The following NWD1 variants were observed in gnomAD, a reference collection of about 807,000 sequenced individuals.
NWD1 encodes the protein NACHT and WD repeat domain containing 1.
Under a neutral mutation model 135.1 loss-of-function variants are expected in NWD1, and 129 were observed. That is an observed-to-expected ratio of 0.96 (90% CI 0.83 to 1.11). NWD1 has a LOEUF of 1.11. NWD1 is among the 50% of genes least tolerant of loss of function. The probability of loss-of-function intolerance (pLI) is 0.00; values close to 1 mark genes in which losing one functional copy is unlikely to be tolerated. For missense variants in NWD1, 1,740 were observed against 1,851.3 expected, an observed-to-expected ratio of 0.94 and a Z score of 1.10; for synonymous variants, 773 against 786.0, an observed-to-expected ratio of 0.98 and a Z score of 0.28.
At position 16,773,189 on chromosome 19, in the gene NWD1, C is replaced by T. The variant is rs1969475822; in HGVS notation, c.2474C>T (p.Ala825Val). Residue 825 changes from alanine to valine, a missense_variant, in exon 11 of 19, where the codon GCA becomes GTA. Ala to Val is a moderately conservative substitution (Grantham distance 64, BLOSUM62 0). Transcript: ENST00000524140. Reference sequence around the variant, plus strand: ...CATTTCTTCGCCACCTCACATCCAGCACTGGTGGGACAGCTATGCCAACAG... The same window carrying T: ...CATTTCTTCGCCACCTCACATCCAGTACTGGTGGGACAGCTATGCCAACAG... ...RLHFFATSHP[A>V]LVGQLCQQAQ... 6.2e-7 allele frequency: 1 copy of T among 1,613,794 alleles called. No individual in the cohort carries two copies.
chr19:16,794,936 C>T (rs1599545959), intron 15 of NWD1, among the ~76,000 whole-genome samples: 1 of 152,122 alleles, frequency 6.6e-6, no homozygotes, highest in East Asian at 1.9e-4. Flanking sequence ...CACACACCAC[C>T]ACACCCAGCT....
intron 2 of NWD1, among the ~76,000 whole-genome samples, chr19:16,724,700 T>A (rs1967258721): frequency 6.6e-6 from 1 of 152,178 alleles, no homozygotes; most frequent in Admixed American, 6.6e-5. Flanking sequence ...ACAAAAAAAA[T>A]ATTTTTTTTT....
chr19:16,798,263 G>A (rs1414645791), intron 16 of NWD1, among the ~76,000 whole-genome samples: 1 of 152,012 alleles, frequency 6.6e-6, no homozygotes, highest in East Asian at 1.9e-4. Flanking sequence ...GCCTCTTGAA[G>A]TTCTCTTTTT....
chr19:16,773,009 G>C (rs1427527557), intron 10 of NWD1, 117 bp from the exon 11 acceptor site: 9 of 816,566 alleles, frequency 1.1e-5, no homozygotes, highest in Non-Finnish European at 1.7e-5. Context: ...GAGGCCAGTA[G>C]CTGAGGTATT....
intron 6 of NWD1, among the ~76,000 whole-genome samples, chr19:16,757,709 T>C (rs912853068): frequency 1.3e-5 from 2 of 152,096 alleles, no homozygotes; most frequent in African/African-American, 4.8e-5. Context: ...AACCTAGCGG[T>C]TCACCCATGA....
intron 12 of NWD1, among the ~76,000 whole-genome samples, chr19:16,781,310 A>T (rs2123002051): frequency 6.6e-6 from 1 of 152,292 alleles, no homozygotes; most frequent in East Asian, 1.9e-4. Flanking sequence ...GCAGCTTGAT[A>T]TACATAGGAC....
In NWD1 at chr19:16,812,538, T is replaced by C. The variant is rs139685734; in HGVS notation, c.4288-2490T>C. On this transcript the variant is annotated intron_variant, in intron 18 of 18. Transcript: ENST00000524140. ...ACAAAAATTAGCCAGGCATGGTGGC[T>C]CATGCCTGTAATCCTAGCTACTTGG... is the stretch of plus-strand genomic sequence containing the variant. 7.4e-3 allele frequency among the ~76,000 whole-genome samples: 1,124 copies of C among 151,334 alleles called. 31 individuals are homozygous for C. The highest frequency in any genetic ancestry group is 0.073 in the East Asian group (369 of 5,062).
At chr19:16,726,214 G>A (rs1012646279) in intron 2 of NWD1, among the ~76,000 whole-genome samples, 3 of 151,960 alleles carry the variant, frequency 2.0e-5, no homozygotes, top group Non-Finnish European at 2.9e-5. Flanking sequence ...TGCCCACCTC[G>A]GCCTCCCAAA....
chr19:16,754,382 A>G (rs1316401277), intron 6 of NWD1, among the ~76,000 whole-genome samples: 1 of 147,818 alleles, frequency 6.8e-6, no homozygotes, highest in African/African-American at 2.5e-5. Context: ...CCATCCACCC[A>G]TCATCTCTAT....
At chr19:16,778,268 T>C (rs891444229) in intron 11 of NWD1, among the ~76,000 whole-genome samples, 1 of 152,040 alleles carries the variant, frequency 6.6e-6, no homozygotes, top group Non-Finnish European at 1.5e-5. Context: ...CTCCAATATA[T>C]CTTGGCCCTT....
At chr19:16,733,146 A>C (rs10451504) in intron 3 of NWD1, among the ~76,000 whole-genome samples, 42,285 of 151,422 alleles carry the variant, frequency 0.28, 6,419 homozygotes, top group African/African-American at 0.38. Flanking sequence ...ACTTGAACCC[A>C]GGAGTTTGAG....
At position 16,790,640 on chromosome 19, in the gene NWD1, AAT is replaced by A. The variant is rs1491092659; in HGVS notation, c.2941-708_2941-707del. ...AAAACTGAAAGTAACATTAAAAAAAAATAAATAAATAAATAAATAAATAAATA... is the reference window on the plus strand; with the variant it reads ...AAAACTGAAAGTAACATTAAAAAAAAAAATAAATAAATAAATAAATAAATA... On this transcript the variant is annotated intron_variant, in intron 13 of 18. Transcript: ENST00000524140. Among the ~76,000 whole-genome samples the A allele has an allele frequency of 9.0e-3, 194 of 21,618 alleles. 2 individuals carry two copies. Among genetic ancestry groups the A allele is most frequent in the African/African-American group, 0.045 (159 of 3,534 alleles). 14.2% of individuals were successfully genotyped at this position (21,618 alleles called of 152,430 possible). A position where few individuals can be genotyped will look rare whatever the true frequency, so the allele number is the denominator to read the frequency against.
chr19:16,793,737 C>G (rs565185514), intron 14 of NWD1, among the ~76,000 whole-genome samples: 1 of 151,568 alleles, frequency 6.6e-6, no homozygotes, highest in East Asian at 1.9e-4. Context: ...CCACCACGCC[C>G]GGCTAATTTT....
chr19:16,816,077 A>G lies in NWD1; in HGVS notation c.*1038A>G, dbSNP rs1971061176. Reference sequence around the variant, plus strand: ...GAGCACAACCATCTCTTCCACAGGCACCACACTCAAATGCTCACAGGAGCT... The same window carrying G: ...GAGCACAACCATCTCTTCCACAGGCGCCACACTCAAATGCTCACAGGAGCT... On this transcript the variant is annotated 3_prime_UTR_variant, in exon 19 of 19. Coordinates refer to ENST00000524140, the MANE Select transcript of NWD1 (RefSeq NM_001007525.5). The G allele has an allele frequency of 6.6e-6, 1 of 152,248 alleles. No homozygotes were observed. The highest frequency in any genetic ancestry group is 2.4e-5 in the African/African-American group (1 of 41,450). The allele number at this position is 152,248 out of a possible 1,614,324, so 9.4% of individuals were successfully genotyped here. A position where few individuals can be genotyped will look rare whatever the true frequency, so the allele number is the denominator to read the frequency against.
chr19:16,745,016 G>T, intron 5 of NWD1: 1 of 572,096 alleles, frequency 1.7e-6, no homozygotes, highest in East Asian at 4.0e-5. Context: ...ACTAATAAAG[G>T]CATACTTGAG....
At chr19:16,791,287 T>C in intron 13 of NWD1, 63 bp from the exon 14 acceptor site, 1 of 1,466,646 alleles carries the variant, frequency 6.8e-7, no homozygotes, top group South Asian at 1.2e-5. Flanking sequence ...TGCATTTGAC[T>C]CCGGGAAACT....
In NWD1 at chr19:16,771,831, C is replaced by CTT. The variant is rs529711853; in HGVS notation, c.2411-1278_2411-1277dup. Among the ~76,000 whole-genome samples, 793 of 133,424 alleles carry CTT rather than the reference C, an allele frequency of 5.9e-3. 9 individuals carry two copies. The highest frequency in any genetic ancestry group is 0.021 in the South Asian group (89 of 4,156). 87.5% of individuals were successfully genotyped at this position (133,424 alleles called of 152,430 possible). A position where few individuals can be genotyped will look rare whatever the true frequency, so the allele number is the denominator to read the frequency against. On this transcript the variant is annotated intron_variant, in intron 10 of 18. Transcript: ENST00000524140. ...AAATGATCCAACGCGATCACGAGTC[C>CTT]TTTTTTTTTTTTTTTTTTGAGAAGG...
chr19:16,729,018 C>A (rs1343907874), intron 2 of NWD1, among the ~76,000 whole-genome samples: 1 of 151,204 alleles, frequency 6.6e-6, no homozygotes, highest in African/African-American at 2.4e-5. Flanking sequence ...GCAATCCCAG[C>A]ACATTGGGAG....
At chr19:16,811,134 T>C (rs1568400429) in intron 18 of NWD1, among the ~76,000 whole-genome samples, 1 of 152,246 alleles carries the variant, frequency 6.6e-6, no homozygotes. Flanking sequence ...TTTATTGGAA[T>C]CTTACCAGCT....
Sources: allele counts gnomAD v4.1 joint callset (sites outside exome capture counted in the v4.1 genomes callset), GRCh38; gene constraint gnomAD v4.1.1; transcripts MANE v1.5; gene names NCBI Gene and HGNC (gene_info 2026-07-23, HGNC 2026-07-21).